The following NQO2 variants were observed in gnomAD, a reference collection of about 807,000 sequenced individuals.
The protein encoded by NQO2 is N-ribosyldihydronicotinamide:quinone dehydrogenase 2.
A neutral mutation model predicts 22.0 loss-of-function variants in NQO2; 18 were observed. That is an observed-to-expected ratio of 0.82 (90% CI 0.56 to 1.21). The LOEUF is 1.21. Ranked by LOEUF, NQO2 falls within the 50% of genes most tolerant of loss-of-function variation. NQO2 has a pLI of 0.00. For missense variants in NQO2, 267 were observed against 286.9 expected, an observed-to-expected ratio of 0.93 and a Z score of 0.50; for synonymous variants, 106 against 110.8, an observed-to-expected ratio of 0.96 and a Z score of 0.28.
chr6:3,016,288 G>A (rs1028767453), intron 5 of NQO2, among the ~76,000 whole-genome samples: 59 of 151,932 alleles, frequency 3.9e-4, no homozygotes, highest in Admixed American at 3.4e-3. Context: ...AAAATTAGCC[G>A]GGCATGGTGG....
chr6:3,006,636 A>C lies in NQO2; in HGVS notation c.7+77A>C, dbSNP rs1252889806. The C allele has an allele frequency of 9.0e-6, 13 of 1,450,850 alleles. No individual in the cohort carries two copies. Among genetic ancestry groups the C allele is most frequent in the Non-Finnish European group, 1.1e-5 (12 of 1,083,830 alleles). 89.9% of individuals were successfully genotyped at this position (1,450,850 alleles called of 1,614,324 possible). ...TTGTTGTATTGCCCAGGCTGGTCTC[A>C]AACTCCTGAGCTCAAGTGACCCTCC... On this transcript the variant is annotated intron_variant, in intron 2 of 6. Coordinates refer to ENST00000380455, the MANE Select transcript of NQO2 (RefSeq NM_000904.6). The surrounding 1 kb of genome is among the most constrained non-coding windows in gnomAD (Gnocchi z 4.0).
chr6:3,005,757 A>T, intron 1 of NQO2: 1 of 985,312 alleles, frequency 1.0e-6, no homozygotes, highest in South Asian at 4.7e-5. Flanking sequence ...CCAGAGCCCC[A>T]TTGTGTGCCA....
chr6:3,005,606 G>A, intron 1 of NQO2: 1 of 982,474 alleles, frequency 1.0e-6, no homozygotes, highest in Non-Finnish European at 1.2e-6. Context: ...TTGTTGTTAA[G>A]TTTTATCTGA....
At chr6:3,013,546 T>C (rs1757220335) in intron 4 of NQO2, among the ~76,000 whole-genome samples, 2 of 152,066 alleles carry the variant, frequency 1.3e-5, no homozygotes, top group Non-Finnish European at 2.9e-5. Context: ...AATATCCTGA[T>C]CATTAAGAGG....
chr6:3,006,143 A>G lies in NQO2; in HGVS notation c.-85-325A>G, dbSNP rs1318204612. On this transcript the variant is annotated intron_variant, in intron 1 of 6. Coordinates refer to ENST00000380455, the MANE Select transcript of NQO2 (RefSeq NM_000904.6). The surrounding 1 kb of genome is among the most constrained non-coding windows in gnomAD (Gnocchi z 4.0). Reference sequence around the variant, plus strand: ...GATCCCCCAGCCTTCTGCTCGATCTACGGGGAAAACTGGGGAAGGCAGGAA... The same window carrying G: ...GATCCCCCAGCCTTCTGCTCGATCTGCGGGGAAAACTGGGGAAGGCAGGAA... 6.6e-6 allele frequency among the ~76,000 whole-genome samples: 1 copy of G among 152,146 alleles called. No individual in the cohort carries two copies. Among genetic ancestry groups the G allele is most frequent in the Non-Finnish European group, 1.5e-5 (1 of 68,026 alleles).
At chr6:3,013,146 C>G (rs28383631) in intron 4 of NQO2, among the ~76,000 whole-genome samples, 5 of 151,146 alleles carry the variant, frequency 3.3e-5, no homozygotes, top group African/African-American at 7.3e-5. Flanking sequence ...TAGTAGAGAC[C>G]GGGTTTCACC....
intron 2 of NQO2, among the ~76,000 whole-genome samples, chr6:3,009,058 C>T (rs1757055221): frequency 6.6e-6 from 1 of 152,160 alleles, no homozygotes; most frequent in African/African-American, 2.4e-5. Context: ...ACCGATCTGA[C>T]CAAAATTTAT....
chr6:3,004,630 C>T, intron 1 of NQO2: 5 of 985,472 alleles, frequency 5.1e-6, no homozygotes, highest in Middle Eastern at 5.2e-4. Context: ...TCATTCAGGC[C>T]CTGCTCAAGA....
chr6:3,003,295 A>G (rs1756800927), intron 1 of NQO2, among the ~76,000 whole-genome samples: 1 of 151,840 alleles, frequency 6.6e-6, no homozygotes, highest in Admixed American at 6.6e-5. Flanking sequence ...GATCCTGTAA[A>G]CTTGCCTCAT....
At position 3,015,191 on chromosome 6, in the gene NQO2, C is replaced by G. The variant is rs1158969878; in HGVS notation, c.304-339C>G. 3 of 1,336,318 alleles carry G rather than the reference C, an allele frequency of 2.2e-6. No individual in the cohort carries two copies. In the African/African-American group the frequency reaches 4.4e-5, roughly 20 times the overall value. 82.8% of individuals were successfully genotyped at this position (1,336,318 alleles called of 1,614,324 possible). A position where few individuals can be genotyped will look rare whatever the true frequency, so the allele number is the denominator to read the frequency against. On this transcript the variant is annotated intron_variant, in intron 4 of 6. Transcript: ENST00000380455. ...AGGCGAAGGGGCATGCTTTTCCATA[C>G]TCTTCCTTTTGACTGGCTTGATCAC...
Position 3,016,955 on chromosome 6 carries a change from A to G in NQO2, c.489A>G (p.Gly163=). The change falls in exon 6 of 7, where the codon GGA becomes GGG. Residue 163 remains glycine (G), a synonymous_variant. Coordinates refer to ENST00000380455, the MANE Select transcript of NQO2 (RefSeq NM_000904.6). ...AEMYTKTGVN[G]DSRYFLWPLQ... ...TGTACACGAAGACAGGAGTCAATGG[A>G]GATTCTCGATACTTCCTGTGGCCAC... 1.2e-6 allele frequency: 2 copies of G among 1,614,048 alleles called. No homozygotes were observed. The highest frequency in any genetic ancestry group is 1.7e-6 in the Non-Finnish European group (2 of 1,180,016).
At chr6:3,008,960 A>T (rs921377512) in intron 2 of NQO2, among the ~76,000 whole-genome samples, 4 of 152,206 alleles carry the variant, frequency 2.6e-5, no homozygotes, top group East Asian at 3.8e-4. Flanking sequence ...GGACCACGGG[A>T]CGGGGCGAAA....
intron 5 of NQO2, among the ~76,000 whole-genome samples, chr6:3,016,468 C>A (rs904021378): frequency 6.2e-5 from 9 of 145,774 alleles, no homozygotes; most frequent in African/African-American, 2.3e-4. Context: ...TTTTTAAATT[C>A]TAAAAGCTTC....
intron 2 of NQO2, among the ~76,000 whole-genome samples, chr6:3,007,867 G>T (rs1375336666): frequency 2.6e-5 from 4 of 152,230 alleles, no homozygotes; most frequent in Non-Finnish European, 5.9e-5. Flanking sequence ...GTGCCACACT[G>T]AAAGGTGCCT....
At position 2,999,978 on chromosome 6, in the gene NQO2, A is replaced by T. The variant is rs1772901587; in HGVS notation, c.-193A>T. ...CGCTCCCGCCCTCCAGGCGTCAGCG[A>T]GTGCGCGGTCCAGTGCGGCCGGAAC... On this transcript the variant is annotated 5_prime_UTR_variant, in exon 1 of 7. Transcript: ENST00000380455. 2 of 152,390 alleles carry T rather than the reference A, an allele frequency of 1.3e-5. No homozygotes were observed. Among genetic ancestry groups the T allele is most frequent in the Admixed American group, 1.3e-4 (2 of 15,288 alleles). 9.4% of individuals were successfully genotyped at this position (152,390 alleles called of 1,614,324 possible).
At chr6:3,013,104 C>T (rs533683438) in intron 4 of NQO2, among the ~76,000 whole-genome samples, 4 of 151,592 alleles carry the variant, frequency 2.6e-5, no homozygotes, top group East Asian at 1.9e-4. Context: ...TACAGGCGCC[C>T]GCCACCACGC....
chr6:3,002,918 T>A (rs1756788066), intron 1 of NQO2, among the ~76,000 whole-genome samples: 2 of 152,184 alleles, frequency 1.3e-5, no homozygotes, highest in African/African-American at 4.8e-5. Context: ...CACACCTGGC[T>A]AATTTTTAAA....
Position 3,006,519 on chromosome 6 carries a change from C to G in NQO2, c.-34C>G, listed in dbSNP as rs1298409347. The G allele has an allele frequency of 2.5e-6, 4 of 1,612,782 alleles. No homozygotes were observed. The South Asian group carries it at 3.3e-5, about 13-fold the overall frequency. ...ACGCAGGAAAGCCCCAGCCACCCAT[C>G]AAATCAGAGAGAAGGAATCCACCTT... On this transcript the variant is annotated 5_prime_UTR_variant, in exon 2 of 7. The change creates a new upstream start codon in the 5' untranslated region. Coordinates refer to ENST00000380455, the MANE Select transcript of NQO2 (RefSeq NM_000904.6). The surrounding 1 kb of genome is among the most constrained non-coding windows in gnomAD (Gnocchi z 4.0).
chr6:3,016,259 C>T (rs1028490356), intron 5 of NQO2, among the ~76,000 whole-genome samples: 1 of 151,698 alleles, frequency 6.6e-6, no homozygotes, highest in African/African-American at 2.4e-5. Flanking sequence ...GGTGAAACCC[C>T]ATCTCTACTA....
Sources: gnomAD v4.1 joint callset for allele counts (sites outside exome capture counted in the v4.1 genomes callset) on GRCh38, gnomAD v4.1.1 for gene constraint, Gnocchi (gnomAD v3.1) non-coding constraint, MANE v1.5 for transcripts, NCBI Gene and HGNC (gene_info 2026-07-23, HGNC 2026-07-21) for gene names.